SLC2A13: variants seen among roughly 807,000 people sequenced by gnomAD.
SLC2A13 encodes the protein solute carrier family 2 member 13.
A neutral mutation model predicts 64.4 loss-of-function variants in SLC2A13; 32 were observed. The ratio of observed to expected loss-of-function variants is 0.50; its 90% CI spans 0.37 to 0.67. The LOEUF is 0.67. Ranked by LOEUF, SLC2A13 falls within the 30% of genes least tolerant of loss-of-function variation. The pLI, the probability that SLC2A13 is intolerant of heterozygous loss-of-function variation, is 0.00. For synonymous variants in SLC2A13, 338 were observed against 327.1 expected, an observed-to-expected ratio of 1.03 and a Z score of -0.36; for missense variants, 743 against 829.2, an observed-to-expected ratio of 0.90 and a Z score of 1.28.
At chr12:40,011,727 C>T (rs1947535816) in intron 3 of SLC2A13, among the ~76,000 whole-genome samples, 1 of 152,126 alleles carries the variant, frequency 6.6e-6, no homozygotes, top group African/African-American at 2.4e-5. Context: ...ATGCCTAGCT[C>T]CAGAATCTTT....
chr12:39,792,830 G>T (rs1941450596), intron 7 of SLC2A13, among the ~76,000 whole-genome samples: 1 of 151,456 alleles, frequency 6.6e-6, no homozygotes, highest in Non-Finnish European at 1.5e-5. Context: ...CATAAAAGTG[G>T]ACCACGCAGT....
At chr12:39,924,363 A>G (rs1156637595) in intron 4 of SLC2A13, among the ~76,000 whole-genome samples, 4 of 152,092 alleles carry the variant, frequency 2.6e-5, no homozygotes, top group Non-Finnish European at 5.9e-5. Flanking sequence ...TTCTGACACA[A>G]CATAGATACT....
At chr12:39,794,158 A>C (rs1941500249) in intron 7 of SLC2A13, among the ~76,000 whole-genome samples, 1 of 148,312 alleles carries the variant, frequency 6.7e-6, no homozygotes, top group African/African-American at 2.4e-5. Flanking sequence ...AACCAAAACA[A>C]AACCTCCCTT....
chr12:39,782,843 C>T (rs949981803), intron 7 of SLC2A13, among the ~76,000 whole-genome samples: 6 of 152,074 alleles, frequency 3.9e-5, no homozygotes, highest in Non-Finnish European at 7.4e-5. Flanking sequence ...TGTTGAAAAA[C>T]GGAGCAAAGG....
At chr12:39,935,406 G>A (rs1359056931) in intron 4 of SLC2A13, among the ~76,000 whole-genome samples, 1 of 152,022 alleles carries the variant, frequency 6.6e-6, no homozygotes, top group Non-Finnish European at 1.5e-5. Flanking sequence ...ATTTTCCTAA[G>A]GTCATGTCTG....
chr12:39,756,832 T>G lies in SLC2A13; in HGVS notation c.*3194A>C, dbSNP rs1031197044. ...AGTGAATAACTTAATATTTAGACTC[T>G]TATGTACTAAAATCAGGTTCAGTGG... On this transcript the variant is annotated 3_prime_UTR_variant, in exon 10 of 10. Coordinates refer to ENST00000280871, the MANE Select transcript of SLC2A13 (RefSeq NM_052885.4). The G allele has an allele frequency of 6.6e-6, 1 of 151,718 alleles. No homozygotes were observed. The highest frequency in any genetic ancestry group is 1.5e-5 in the Non-Finnish European group (1 of 67,702). 9.4% of individuals were successfully genotyped at this position (151,718 alleles called of 1,614,324 possible). A position where few individuals can be genotyped will look rare whatever the true frequency, so the allele number is the denominator to read the frequency against.
chr12:39,954,255 T>C (rs989832865), intron 3 of SLC2A13, among the ~76,000 whole-genome samples: 9 of 152,112 alleles, frequency 5.9e-5, no homozygotes, highest in East Asian at 3.9e-4. Flanking sequence ...CAGGCAGACA[T>C]TGGTGTTTCC....
In SLC2A13 at chr12:39,911,476, C is replaced by T. The variant is rs547231015; in HGVS notation, c.1035-39515G>A. On this transcript the variant is annotated intron_variant, in intron 4 of 9. Transcript: ENST00000280871. ...ATCTCTATGATAAACAGATTTAATA[C>T]AAGTTAGAGAACAAAAGAAAAAAAG... is the stretch of plus-strand genomic sequence containing the variant. 5.3e-5 allele frequency among the ~76,000 whole-genome samples: 8 copies of T among 151,992 alleles called. 1 individual carries two copies. In the South Asian group the frequency reaches 1.2e-3, roughly 24 times the overall value.
chr12:39,885,232 T>C (rs915096862), intron 4 of SLC2A13, among the ~76,000 whole-genome samples: 64 of 152,106 alleles, frequency 4.2e-4, no homozygotes, highest in Non-Finnish European at 7.8e-4. Context: ...TACCCAAAGA[T>C]TGAGGAAAAC....
intron 4 of SLC2A13, among the ~76,000 whole-genome samples, chr12:39,945,776 C>T (rs1946121591): frequency 6.6e-6 from 1 of 151,936 alleles, no homozygotes; most frequent in Admixed American, 6.6e-5. Flanking sequence ...TTTTGGATTT[C>T]CTTGCAGTGG....
At chr12:40,000,547 A>G (rs190135362) in intron 3 of SLC2A13, among the ~76,000 whole-genome samples, 39 of 152,284 alleles carry the variant, frequency 2.6e-4, no homozygotes, top group African/African-American at 9.4e-4. Flanking sequence ...GGTGGCTTAA[A>G]CAGAAATTTG....
At chr12:39,853,607 CTT>C (rs748984164) in intron 6 of SLC2A13, among the ~76,000 whole-genome samples, 1 of 136,140 alleles carries the variant, frequency 7.3e-6, no homozygotes, top group Admixed American at 7.4e-5. Flanking sequence ...TTCTTTCTTT[CTT>C]TTTTTTTTTG....
At chr12:40,081,589 T>C (rs917969709) in intron 1 of SLC2A13, among the ~76,000 whole-genome samples, 1 of 152,230 alleles carries the variant, frequency 6.6e-6, no homozygotes, top group South Asian at 2.1e-4. Flanking sequence ...TATCATTTTA[T>C]TGGAATCCTT....
At chr12:39,916,807 G>A (rs1393157303) in intron 4 of SLC2A13, among the ~76,000 whole-genome samples, 2 of 98,236 alleles carry the variant, frequency 2.0e-5, no homozygotes, top group Non-Finnish European at 4.2e-5. Flanking sequence ...ATTGTCTTGT[G>A]GAAGGATTAT....
rs375528000 is a variant in SLC2A13, at chr12:39,872,254, T to C, written c.1035-293A>G. On this transcript the variant is annotated intron_variant, in intron 4 of 9. Transcript: ENST00000280871. The stretch of plus-strand genomic sequence containing the variant: ...CACAACTAGGGACAGTGGCAGCTGG[T>C]AGTTTCACTAAAACTGTATCACTTT... 2.0e-4 allele frequency among the ~76,000 whole-genome samples: 30 copies of C among 152,334 alleles called. No individual in the cohort carries two copies. The East Asian group carries it at 5.8e-3, about 29-fold the overall frequency.
At chr12:39,960,455 A>G (rs1414845945) in intron 3 of SLC2A13, among the ~76,000 whole-genome samples, 2 of 152,208 alleles carry the variant, frequency 1.3e-5, no homozygotes, top group African/African-American at 4.8e-5. Context: ...ATCTCAGCTC[A>G]CTGCAACCTC....
chr12:39,908,607 G>A (rs1232509603), intron 4 of SLC2A13, among the ~76,000 whole-genome samples: 1 of 151,908 alleles, frequency 6.6e-6, no homozygotes, highest in African/African-American at 2.4e-5. Flanking sequence ...TGAGGAGGAT[G>A]AGGAGGGGCA....
intron 2 of SLC2A13, among the ~76,000 whole-genome samples, chr12:40,035,990 A>G (rs1947977332): frequency 6.6e-6 from 1 of 152,332 alleles, no homozygotes; most frequent in African/African-American, 2.4e-5. Context: ...TAATGTACAC[A>G]CTTCTTAAAT....
chr12:39,994,370 G>A (rs1223437711), intron 3 of SLC2A13, among the ~76,000 whole-genome samples: 2 of 141,236 alleles, frequency 1.4e-5, no homozygotes, highest in African/African-American at 2.6e-5. Flanking sequence ...GCAACAGAGC[G>A]AGACTCCATC....
Sources: allele counts gnomAD v4.1 joint callset (sites outside exome capture counted in the v4.1 genomes callset), GRCh38; gene constraint gnomAD v4.1.1; transcripts MANE v1.5; gene names NCBI Gene and HGNC (gene_info 2026-07-23, HGNC 2026-07-21).